The following AHNAK2 variants were observed in gnomAD, a reference collection of about 807,000 sequenced individuals.
The protein encoded by AHNAK2 is AHNAK nucleoprotein 2.
AHNAK2 carries 18 observed loss-of-function variants against 30.7 expected under a neutral mutation model. The observed-to-expected ratio is 0.59, with a 90% CI of 0.41 to 0.87. The LOEUF (loss-of-function observed/expected upper bound fraction) is 0.87. Among genes scored for constraint, AHNAK2 ranks in the 40% least tolerant of loss-of-function variants. AHNAK2 has a pLI of 0.00. For synonymous variants in AHNAK2, 3,590 were observed against 3,073.8 expected (o/e 1.17, Z -5.56); for missense variants, 8,604 against 7,373.0 (o/e 1.17, Z -6.11).
intron 1 of AHNAK2, among the ~76,000 whole-genome samples, chr14:104,968,187 G>A (rs938311283): frequency 6.6e-6 from 1 of 152,214 alleles, no homozygotes; most frequent in Admixed American, 6.5e-5. Context: ...CATTCCTGCG[G>A]GTGAAAACTT....
In AHNAK2 at chr14:104,952,154, G is replaced by A. The variant is rs941181095; in HGVS notation, c.3297C>T (p.Pro1099=). Residue 1099 remains proline (P), a synonymous_variant, in exon 7 of 7, where the codon CCC becomes CCT. Coordinates refer to ENST00000333244, the MANE Select transcript of AHNAK2 (RefSeq NM_138420.4). The part of the protein sequence containing the change: ...FKMPKVALKG[P]QVDVKGPKLD... ...GCTTGGGGCCCTTGACGTCCACCTGGGGGCCCTTGAGGGCCACTTTGGGCA... is the reference window on the plus strand; with the variant it reads ...GCTTGGGGCCCTTGACGTCCACCTGAGGGCCCTTGAGGGCCACTTTGGGCA... 6.2e-7 allele frequency: 1 copy of A among 1,612,388 alleles called. No homozygotes were observed. Among genetic ancestry groups the A allele is most frequent in the Non-Finnish European group, 8.5e-7 (1 of 1,179,618 alleles).
Position 104,944,910 on chromosome 14 carries a change from C to A in AHNAK2, c.10541G>T (p.Gly3514Val). ...GCTGAGGTCAGTGGCCTTGAGGTCC[C>A]CCTGCATGGAGGAGAGGCTCACGTC... Reference protein sequence around the residue: ...EADVSLSSMQGDLKATDLSIQ... With the variant: ...EADVSLSSMQVDLKATDLSIQ... The change falls in exon 7 of 7, where the codon GGG (glycine) becomes GTG (valine). Residue 3514 changes from glycine (G) to valine (V), a missense_variant. Transcript: ENST00000333244. 3 of 1,613,172 alleles carry A rather than the reference C, an allele frequency of 1.9e-6. No individual in the cohort carries two copies. Among genetic ancestry groups the A allele is most frequent in the Non-Finnish European group, 2.5e-6 (3 of 1,179,626 alleles).
Position 104,950,975 on chromosome 14 carries a change from CT to C in AHNAK2, c.4475del (p.Lys1492SerfsTer36). On this transcript the variant is annotated frameshift_variant, in exon 7 of 7. Coordinates refer to ENST00000333244, the MANE Select transcript of AHNAK2 (RefSeq NM_138420.4). LOFTEE classifies it low-confidence loss of function (END_TRUNC). ...ADKDLTTKDS[K>X]FKMPKFKMPS... ...GCATCTTGAACTTGGGCATTTTGAA[CT>C]TGCTGTCTTTGGTAGTCAAGTCCTT... 4.3e-6 allele frequency: 5 copies of C among 1,170,408 alleles called. 1 individual carries two copies. The highest frequency in any genetic ancestry group is 6.1e-6 in the Non-Finnish European group (5 of 820,882). 72.5% of individuals were successfully genotyped at this position (1,170,408 alleles called of 1,614,324 possible).
rs530044530 is a variant in AHNAK2 at position 104,948,939 on chromosome 14, G to C, written c.6512C>G (p.Ser2171Cys). The C allele has an allele frequency of 7.1e-7, 1 of 1,399,618 alleles. No individual in the cohort carries two copies. Among genetic ancestry groups the C allele is most frequent in the Non-Finnish European group, 1.0e-6 (1 of 995,884 alleles). The allele number at this position is 1,399,618 out of a possible 1,614,324, so 86.7% of individuals were successfully genotyped here. The part of the protein sequence containing the change: ...PSFGVSAPGK[S>C]IEASVDVSPP... ...AGACACATCCACCGAGGCCTCGATG[G>C]ACTTGCCTGGGGCAGACACCCCAAA... is the stretch of plus-strand genomic sequence containing the variant. Residue 2171 changes from serine (S) to cysteine (C), a missense_variant, in exon 7 of 7, where the codon TCC (serine) becomes TGC (cysteine). Transcript: ENST00000333244.
chr14:104,964,645 C>T (rs527734272), intron 1 of AHNAK2, among the ~76,000 whole-genome samples: 7 of 152,250 alleles, frequency 4.6e-5, no homozygotes, highest in Non-Finnish European at 8.8e-5. Flanking sequence ...CTATGTGCAA[C>T]GTGGATGAAG....
In AHNAK2 at chr14:104,941,124, C is replaced by A. The variant is rs750400702; in HGVS notation, c.14327G>T (p.Gly4776Val). 6.2e-7 allele frequency: 1 copy of A among 1,613,572 alleles called. No homozygotes were observed. Among genetic ancestry groups the A allele is most frequent in the Admixed American group, 1.7e-5 (1 of 60,014 alleles). ...GFPSSRLDLT[G>V]PHFESSILSP... The stretch of plus-strand genomic sequence containing the variant: ...GAGAATAGAAGATTCAAAGTGAGGA[C>A]CAGTGAGATCAAGCCGGGATGATGG... The change falls in exon 7 of 7, where the codon GGT becomes GTT. Residue 4776 changes from glycine to valine, a missense_variant. By Grantham distance (109) the Gly-to-Val change is moderately radical. Coordinates refer to ENST00000333244, the MANE Select transcript of AHNAK2 (RefSeq NM_138420.4).
Position 104,954,674 on chromosome 14 carries a change from G to C in AHNAK2, c.777C>G (p.Leu259=), listed in dbSNP as rs1436107480. 1 of 1,612,770 alleles carries C rather than the reference G, an allele frequency of 6.2e-7. No homozygotes were observed. The highest frequency in any genetic ancestry group is 1.3e-5 in the African/African-American group (1 of 74,920). The change falls in exon 7 of 7, where the codon CTC becomes CTG. Residue 259 remains leucine (L), a synonymous_variant. Transcript: ENST00000333244. This position sits in a 1 kb window ranked among gnomAD's most constrained non-coding sequence, Gnocchi z 4.3. ...TTATGGATTGAAATTTTGGCCAAGA[G>C]AGCCTCTCCCTCTGGCTCTGCCTGC... ...GRGRQSQRER[L]SWPKFQSIKS...
In AHNAK2 at chr14:104,945,138, C is replaced by T. The variant is rs1271221084; in HGVS notation, c.10313G>A (p.Ser3438Asn). 1 of 1,613,404 alleles carries T rather than the reference C, an allele frequency of 6.2e-7. No homozygotes were observed. The highest frequency in any genetic ancestry group is 8.5e-7 in the Non-Finnish European group (1 of 1,179,786). Reference protein sequence around the residue: ...TVPDVEVSLPSVEVDVQAPRA... With the variant: ...TVPDVEVSLPNVEVDVQAPRA... ...CGGGGCCTGGACGTCCACCTCCACG[C>T]TGGGCAGAGACACCTCCACATCAGG... The change falls in exon 7 of 7, where the codon AGC becomes AAC. Residue 3438 changes from serine to asparagine, a missense_variant. By Grantham distance (46) the Ser-to-Asn change is conservative. Transcript: ENST00000333244.
Position 104,941,905 on chromosome 14 carries a change from G to C in AHNAK2, c.13546C>G (p.Pro4516Ala). ...LKTTDLRIQA[P>A]SADLEVQAGQ... ...GCCTGGACCTCCAGGTCGGCGGAAGGGGCCTGAATGCGGAGGTCAGTGGTC... is the reference window on the plus strand; with the variant it reads ...GCCTGGACCTCCAGGTCGGCGGAAGCGGCCTGAATGCGGAGGTCAGTGGTC... The change falls in exon 7 of 7, where the codon CCT becomes GCT. Residue 4516 changes from proline (P) to alanine (A), a missense_variant. Coordinates refer to ENST00000333244, the MANE Select transcript of AHNAK2 (RefSeq NM_138420.4). 6.2e-7 allele frequency: 1 copy of C among 1,613,512 alleles called. No homozygotes were observed. The highest frequency in any genetic ancestry group is 1.7e-4 in the Middle Eastern group (1 of 6,056).
chr14:104,949,756 C>T lies in AHNAK2; in HGVS notation c.5695G>A (p.Gly1899Arg), dbSNP rs1462692445. 5.0e-6 allele frequency: 8 copies of T among 1,587,718 alleles called. No individual in the cohort carries two copies. Among genetic ancestry groups the T allele is most frequent in the Non-Finnish European group, 6.9e-6 (8 of 1,163,182 alleles). ...MKLPEGQVPE[G>R]AGLKGHLPKV... ...GGCAAGTGCCCTTTGAGGCCGGCTC[C>T]CTCGGGCACCTGGCCCTCCGGGAGC... The change falls in exon 7 of 7, where the codon GGA becomes AGA. Residue 1899 changes from glycine (G) to arginine (R), a missense_variant. Transcript: ENST00000333244.
At chr14:104,977,851 C>A (rs974843879) in intron 1 of AHNAK2, among the ~76,000 whole-genome samples, 3 of 152,034 alleles carry the variant, frequency 2.0e-5, no homozygotes, top group East Asian at 1.9e-4. Flanking sequence ...GGGGCAGGAG[C>A]GAGAAGGAGA....
Position 104,950,875 on chromosome 14 carries a change from C to T in AHNAK2, c.4576G>A (p.Asp1526Asn), listed in dbSNP as rs370032354. 1.5e-5 allele frequency: 24 copies of T among 1,580,932 alleles called. 4 individuals are homozygous for T. Among genetic ancestry groups the T allele is most frequent in the South Asian group, 4.5e-5 (4 of 89,508 alleles). The change falls in exon 7 of 7, where the codon GAC (aspartate) becomes AAC (asparagine). Residue 1526 changes from aspartate (D) to asparagine (N), a missense_variant. Asp to Asn is a conservative substitution (Grantham distance 23). Transcript: ENST00000333244. ...CCCTGCATGGAGGGGAGGCTCACGTCGGCCTCCACCTTCGGCGCAGACACA... is the reference window on the plus strand; with the variant it reads ...CCCTGCATGGAGGGGAGGCTCACGTTGGCCTCCACCTTCGGCGCAGACACA... ...VDVSAPKVEA[D>N]VSLPSMQGDL...
chr14:104,943,712 C>G lies in AHNAK2; in HGVS notation c.11739G>C (p.Leu3913=). The change falls in exon 7 of 7, where the codon CTG becomes CTC. Residue 3913 remains leucine (L), a synonymous_variant. Transcript: ENST00000333244. ...CTTCCACCTTGGGGTCTTTTAGGTC[C>G]AGCTTGGGGCCCTTGATGTCTATTT... ...GPEIDIKGPK[L]DLKDPKVEVT... is the part of the protein sequence containing the mutation. The G allele has an allele frequency of 6.2e-7, 1 of 1,612,880 alleles. No homozygotes were observed. The highest frequency in any genetic ancestry group is 8.5e-7 in the Non-Finnish European group (1 of 1,179,528).
At position 104,943,832 on chromosome 14, in the gene AHNAK2, C is replaced by T. The variant is rs1440920472; in HGVS notation, c.11619G>A (p.Glu3873=). ...QARQVDMKLL[E]GHVPEEAGLK... is the part of the protein sequence containing the mutation. ...GGCCGGCTTCCTCGGGCACGTGGCCCTCCAGGAGTTTCATGTCCACCTGGC... is the reference window on the plus strand; with the variant it reads ...GGCCGGCTTCCTCGGGCACGTGGCCTTCCAGGAGTTTCATGTCCACCTGGC... The change falls in exon 7 of 7, where the codon GAG becomes GAA. Residue 3873 remains glutamate (E), a synonymous_variant. Coordinates refer to ENST00000333244, the MANE Select transcript of AHNAK2 (RefSeq NM_138420.4). 3.7e-6 allele frequency: 6 copies of T among 1,613,034 alleles called. No homozygotes were observed. The African/African-American group carries it at 8.0e-5, about 22-fold the overall frequency.
At chr14:104,957,338 G>T in intron 3 of AHNAK2, 72 bp downstream of exon 3, 2 of 1,385,874 alleles carry the variant, frequency 1.4e-6, no homozygotes, top group Non-Finnish European at 9.8e-7. Context: ...GAACAGACAT[G>T]CGTGAGTTGC....
chr14:104,968,049 G>A (rs964034571), intron 1 of AHNAK2, among the ~76,000 whole-genome samples: 1 of 152,238 alleles, frequency 6.6e-6, no homozygotes, highest in African/African-American at 2.4e-5. Flanking sequence ...ACTTCACAGA[G>A]GAGAATGTGG....
intron 1 of AHNAK2, among the ~76,000 whole-genome samples, chr14:104,975,949 A>G (rs770726493): frequency 8.5e-5 from 13 of 152,180 alleles, no homozygotes; most frequent in African/African-American, 3.1e-4. Context: ...TTCTTGGGAA[A>G]GGGCCCAGCC....
chr14:104,944,236 G>A lies in AHNAK2; in HGVS notation c.11215C>T (p.Pro3739Ser). Reference protein sequence around the residue: ...LKMPKVDLKGPQVDIKGPKLD... With the variant: ...LKMPKVDLKGSQVDIKGPKLD... ...TTGGGGCCCTTGATGTCCACCTGGG[G>A]GCCCTTGAGGTCCACTTTGGGCATC... The change falls in exon 7 of 7, where the codon CCC (proline) becomes TCC (serine). Residue 3739 changes from proline (P) to serine (S), a missense_variant. Coordinates refer to ENST00000333244, the MANE Select transcript of AHNAK2 (RefSeq NM_138420.4). 1.2e-6 allele frequency: 2 copies of A among 1,612,538 alleles called. No individual in the cohort carries two copies. Among genetic ancestry groups the A allele is most frequent in the Non-Finnish European group, 1.7e-6 (2 of 1,179,446 alleles).
chr14:104,968,235 C>T (rs949781319), intron 1 of AHNAK2, among the ~76,000 whole-genome samples: 2 of 152,208 alleles, frequency 1.3e-5, no homozygotes, highest in Non-Finnish European at 2.9e-5. Context: ...AGGTCAGTCC[C>T]TTGCATGCCA....
Sources: allele counts gnomAD v4.1 joint callset (sites outside exome capture counted in the v4.1 genomes callset), GRCh38; gene constraint gnomAD v4.1.1; non-coding constraint Gnocchi (gnomAD v3.1); transcripts MANE v1.5; gene names NCBI Gene and HGNC (gene_info 2026-07-23, HGNC 2026-07-21).